Variants in PI4KA observed in about 807,000 individuals in gnomAD.
The protein encoded by PI4KA is PI4-kinase alpha.
In PI4KA, 122 loss-of-function variants were observed where a neutral mutation model predicts 271.4. The ratio of observed to expected loss-of-function variants is 0.45; its 90% CI spans 0.39 to 0.52. The LOEUF is 0.52. Ranked by LOEUF, PI4KA falls within the 20% of genes least tolerant of loss-of-function variation. PI4KA has a pLI of 0.00. For synonymous variants in PI4KA, 1,041 were observed against 1,078.8 expected (o/e 0.96, Z 0.69); for missense variants, 1,969 against 2,769.1 (o/e 0.71, Z 6.48).
intron 22 of PI4KA, among the ~76,000 whole-genome samples, chr22:20,762,852 T>G (rs867284339): frequency 6.6e-6 from 1 of 152,214 alleles, no homozygotes; most frequent in Non-Finnish European, 1.5e-5. Context: ...GTTTTGTTTT[T>G]ATAAGACAGG....
intron 28 of PI4KA, 36 bp downstream of exon 28, chr22:20,749,869 A>C (rs1257489720): frequency 7.7e-7 from 1 of 1,303,724 alleles, no homozygotes; most frequent in Non-Finnish European, 1.1e-6. Flanking sequence ...AGTTTGAAGG[A>C]GCTTATGGCA....
intron 3 of PI4KA, among the ~76,000 whole-genome samples, chr22:20,826,086 T>C (rs964339573): frequency 2.6e-5 from 4 of 152,202 alleles, no homozygotes; most frequent in South Asian, 2.1e-4. Context: ...CTCACACTTG[T>C]AATCCCAGCA....
intron 9 of PI4KA, among the ~76,000 whole-genome samples, chr22:20,809,173 G>A (rs1238355833): frequency 6.6e-6 from 1 of 152,120 alleles, no homozygotes; most frequent in African/African-American, 2.4e-5. Context: ...GACAACACGA[G>A]TGTTAAACTT....
chr22:20,725,673 T>C (rs768444420), intron 42 of PI4KA: 64 of 356,064 alleles, frequency 1.8e-4, no homozygotes, highest in Middle Eastern at 4.1e-4. Context: ...GGTGGGCAGA[T>C]TGCCTGAGCT....
intron 10 of PI4KA, among the ~76,000 whole-genome samples, chr22:20,806,915 G>T (rs548098481): frequency 6.6e-6 from 1 of 152,004 alleles, no homozygotes; most frequent in African/African-American, 2.4e-5. Flanking sequence ...TGTATTTTTA[G>T]TAGAGACAGG....
Position 20,848,539 on chromosome 22 carries a change from C to G in PI4KA, c.157-9808G>C, listed in dbSNP as rs143886080. ...CAGACCAAATAAACCCTCACACTTA[C>G]AGTCAACTGATTTTTGACAAGGGTT... On this transcript the variant is annotated intron_variant, in intron 1 of 54. Transcript: ENST00000255882. 8.5e-5 allele frequency among the ~76,000 whole-genome samples: 13 copies of G among 152,294 alleles called. No homozygotes were observed. In the East Asian group the frequency reaches 2.5e-3, roughly 29 times the overall value.
Position 20,838,897 on chromosome 22 carries a change from T to G in PI4KA, c.157-166A>C, listed in dbSNP as rs374455958. Among the ~76,000 whole-genome samples, 16 of 152,212 alleles carry G rather than the reference T, an allele frequency of 1.1e-4. No homozygotes were observed. In the South Asian group the frequency reaches 2.9e-3, roughly 28 times the overall value. On this transcript the variant is annotated intron_variant, in intron 1 of 54. Coordinates refer to ENST00000255882, the MANE Select transcript of PI4KA (RefSeq NM_058004.4). ...TTTGAGACTAGCCTGGCCAACATAG[T>G]GAGACCCTATCTCTTAAATAAATAA...
chr22:20,855,710 C>T (rs1927508012), intron 1 of PI4KA, among the ~76,000 whole-genome samples: 1 of 152,128 alleles, frequency 6.6e-6, no homozygotes, highest in Non-Finnish European at 1.5e-5. Context: ...CAGTTTGTGC[C>T]CAGGAAAGTC....
chr22:20,776,784 C>A (rs1016485287), intron 19 of PI4KA, among the ~76,000 whole-genome samples: 1 of 152,196 alleles, frequency 6.6e-6, no homozygotes, highest in Admixed American at 6.5e-5. Context: ...AACTAAGTTA[C>A]ACGAAGTGCC....
chr22:20,760,111 G>A (rs1285310225), intron 23 of PI4KA, among the ~76,000 whole-genome samples: 2 of 152,192 alleles, frequency 1.3e-5, no homozygotes, highest in Non-Finnish European at 2.9e-5. Context: ...GGTGCGGAAA[G>A]GACTACACAC....
chr22:20,793,058 T>C, intron 19 of PI4KA, 135 bp downstream of exon 19: 1 of 644,742 alleles, frequency 1.6e-6, no homozygotes, highest in South Asian at 1.8e-5. Context: ...TGGTGATGGC[T>C]GCAGCAGTCA....
Position 20,727,299 on chromosome 22 carries a change from G to A in PI4KA, c.4872C>T (p.Phe1624=). 4 of 1,613,322 alleles carry A rather than the reference G, an allele frequency of 2.5e-6. No homozygotes were observed. The highest frequency in any genetic ancestry group is 1.1e-5 in the South Asian group (1 of 91,056). ...GAGGGTGCGGCGGGTACATGCTGGAGAAGTAGGAGAGGCCTGTGGGTGGGT... is the reference window on the plus strand; with the variant it reads ...GAGGGTGCGGCGGGTACATGCTGGAAAAGTAGGAGAGGCCTGTGGGTGGGT... The part of the protein sequence containing the change: ...PTDPPTGLSY[F]SSMYPPHPLT... The change falls in exon 41 of 55, where the codon TTC becomes TTT. Residue 1624 remains phenylalanine (F), a synonymous_variant. Coordinates refer to ENST00000255882, the MANE Select transcript of PI4KA (RefSeq NM_058004.4).
intron 19 of PI4KA, among the ~76,000 whole-genome samples, chr22:20,792,493 G>GT (rs1934708609): frequency 6.6e-6 from 1 of 152,238 alleles, no homozygotes; most frequent in Admixed American, 6.5e-5. Flanking sequence ...GGAAGGCACT[G>GT]TAAGGCAGAC....
intron 26 of PI4KA, 52 bp downstream of exon 26, chr22:20,751,622 G>A: frequency 3.5e-6 from 5 of 1,434,802 alleles, no homozygotes; most frequent in Non-Finnish European, 4.9e-6. Context: ...GGCCGGCGGG[G>A]TGGTGGTAGA....
intron 39 of PI4KA, among the ~76,000 whole-genome samples, 184 bp from the exon 40 acceptor site, chr22:20,728,048 G>C (rs1927576939): frequency 6.6e-6 from 1 of 152,084 alleles, no homozygotes. Context: ...GCACAACAGG[G>C]GGACTACAGC....
intron 19 of PI4KA, among the ~76,000 whole-genome samples, chr22:20,766,190 A>T (rs1932507399): frequency 6.6e-6 from 1 of 152,214 alleles, no homozygotes; most frequent in Admixed American, 6.5e-5. Flanking sequence ...GGAGGCAGGG[A>T]GAGCACAAGA....
intron 29 of PI4KA, among the ~76,000 whole-genome samples, chr22:20,746,096 T>A (rs1360951621): frequency 7.9e-6 from 1 of 125,856 alleles, no homozygotes; most frequent in African/African-American, 3.0e-5. Context: ...GGAGTCTTGC[T>A]CTGTTGCCCA....
At chr22:20,728,540 T>C (rs1372903573) in intron 39 of PI4KA, among the ~76,000 whole-genome samples, 1 of 152,202 alleles carries the variant, frequency 6.6e-6, no homozygotes, top group Non-Finnish European at 1.5e-5. Context: ...AGTGTCTCAG[T>C]CAACAGTCCA....
chr22:20,709,105 T>TC (rs1487474876), intron 54 of PI4KA, among the ~76,000 whole-genome samples, 191 bp downstream of exon 54: 1 of 151,248 alleles, frequency 6.6e-6, no homozygotes, highest in African/African-American at 2.4e-5. Flanking sequence ...TGCCAAGTGT[T>TC]CCCCTCGGCA....
Sources: allele counts gnomAD v4.1 joint callset (sites outside exome capture counted in the v4.1 genomes callset), GRCh38; gene constraint gnomAD v4.1.1; transcripts MANE v1.5; gene names NCBI Gene and HGNC (gene_info 2026-07-23, HGNC 2026-07-21).